Variants in RELA observed in about 807,000 individuals in gnomAD.
The protein encoded by RELA is transcription factor p65.
Under a neutral mutation model 56.7 loss-of-function variants are expected in RELA, and 14 were observed. That is an observed-to-expected ratio of 0.25 (90% CI 0.16 to 0.39). The LOEUF (loss-of-function observed/expected upper bound fraction) is 0.39. Ranked by LOEUF, RELA falls within the 10% of genes least tolerant of loss-of-function variation. The probability of loss-of-function intolerance (pLI) is 1.00; values close to 1 mark genes in which losing one functional copy is unlikely to be tolerated. For synonymous variants in RELA, 315 were observed against 289.7 expected, an observed-to-expected ratio of 1.09 and a Z score of -0.89; for missense variants, 559 against 736.4, an observed-to-expected ratio of 0.76 and a Z score of 2.79.
chr11:65,660,014 G>T, intron 5 of RELA, 110 bp downstream of exon 5: 2 of 1,234,488 alleles, frequency 1.6e-6, no homozygotes, highest in South Asian at 1.3e-5. Flanking sequence ...GTACTGAATG[G>T]GCACCAAGAT....
At chr11:65,661,869 C>T (rs75330420) in intron 3 of RELA, 34 bp from the exon 4 acceptor site, 1 of 1,602,458 alleles carries the variant, frequency 6.2e-7, no homozygotes, top group Non-Finnish European at 8.5e-7. Flanking sequence ...ACATCCAAAC[C>T]TGACTCCCAA....
In RELA at chr11:65,654,467, G is replaced by C; in HGVS notation, c.1567C>G (p.Leu523Val). Residue 523 changes from leucine (L) to valine (V), a missense_variant, in exon 11 of 11, where the codon CTC (leucine) becomes GTC (valine). Leu to Val is a conservative substitution (Grantham distance 32). Around this residue, in one of 4 missense-constraint regions of RELA, gnomAD observed 365 missense variants for 387.5 expected, o/e 0.94. Transcript: ENST00000406246. ...PAPAPLGAPG[L>V]PNGLLSGDED... ...TCTCCTGAAAGGAGGCCATTGGGGA[G>C]CCCCGGGGCCCCCAGTGGAGCAGGA... 6.2e-7 allele frequency: 1 copy of C among 1,603,644 alleles called. No individual in the cohort carries two copies.
At chr11:65,661,490 T>A (rs1856564996) in intron 4 of RELA, 197 bp downstream of exon 4, 2 of 510,506 alleles carry the variant, frequency 3.9e-6, no homozygotes, top group Non-Finnish European at 6.9e-6. Context: ...CCCATCCGTA[T>A]CCCCTGGAAC....
intron 4 of RELA, chr11:65,660,473 A>G: frequency 2.0e-6 from 1 of 496,318 alleles, no homozygotes; most frequent in Non-Finnish European, 3.6e-6. Flanking sequence ...CTCTCTAAAC[A>G]CAGGACACTC....
At position 65,654,723 on chromosome 11, in the gene RELA, T is replaced by C. The variant is rs1166476692; in HGVS notation, c.1311A>G (p.Ser437=). 9 of 1,531,282 alleles carry C rather than the reference T, an allele frequency of 5.9e-6. No individual in the cohort carries two copies. The highest frequency in any genetic ancestry group is 7.9e-6 in the Non-Finnish European group (9 of 1,140,798). The allele number at this position is 1,531,282 out of a possible 1,614,324, so 94.9% of individuals were successfully genotyped here. ...CAAACTGCAGCTGCAGCAGGGCCTC[T>C]GACAGCGTTCCTTCCCCAGCCTGGG... is the stretch of plus-strand genomic sequence containing the variant. ...KPTQAGEGTL[S]EALLQLQFDD... is the part of the protein sequence containing the mutation. The change falls in exon 11 of 11, where the codon TCA becomes TCG. Residue 437 remains serine (S), a synonymous_variant. Transcript: ENST00000406246.
intron 4 of RELA, 152 bp downstream of exon 4, chr11:65,661,535 T>C: frequency 1.5e-6 from 1 of 659,528 alleles, no homozygotes; most frequent in South Asian, 2.2e-5. Context: ...ATAGATAATT[T>C]CAAGACAAAG....
At chr11:65,661,456 C>A in intron 4 of RELA, 2 of 424,554 alleles carry the variant, frequency 4.7e-6, no homozygotes, top group Middle Eastern at 6.0e-4. Context: ...CTACAGGGGT[C>A]AGGAATTCAG....
chr11:65,662,728 C>G (rs1412524605), intron 1 of RELA, 98 bp downstream of exon 1: 1 of 977,066 alleles, frequency 1.0e-6, no homozygotes, highest in Non-Finnish European at 1.3e-6. Flanking sequence ...GCGCAGCGCC[C>G]GTCGGCGCAG....
intron 8 of RELA, among the ~76,000 whole-genome samples, chr11:65,657,548 C>A (rs74829088): frequency 7.2e-5 from 11 of 152,220 alleles, no homozygotes; most frequent in Non-Finnish European, 1.5e-4. Flanking sequence ...GCTCAAACCA[C>A]GAAGGTGGCC....
chr11:65,662,111 C>T (rs781731190), intron 2 of RELA, 23 bp from the exon 3 acceptor site: 3 of 1,604,006 alleles, frequency 1.9e-6, no homozygotes, highest in South Asian at 1.1e-5. Flanking sequence ...ACCGCAGCCC[C>T]ATTAGGCGGC....
At chr11:65,655,031 A>G (rs1276482331) in intron 10 of RELA, 31 bp from the exon 11 acceptor site, 2 of 1,547,026 alleles carry the variant, frequency 1.3e-6, no homozygotes, top group Non-Finnish European at 1.8e-6. Context: ...GGCAGGGGTC[A>G]GAGAAAGCCC....
chr11:65,658,364 C>A lies in RELA; in HGVS notation c.800G>T (p.Arg267Leu). ...YADPSLQAPV[R>L]VSMQLRRPSD... is the part of the protein sequence containing the mutation. ...AGGCCGCCGCAGCTGCATGGAGACACGCACAGGAGCCTGCAGGCTGGGGTC... is the reference window on the plus strand; with the variant it reads ...AGGCCGCCGCAGCTGCATGGAGACAAGCACAGGAGCCTGCAGGCTGGGGTC... Residue 267 changes from arginine to leucine, a missense_variant, in exon 8 of 11, where the codon CGT becomes CTT. By Grantham distance (102) the Arg-to-Leu change is moderately radical. Transcript: ENST00000406246. This position sits in a 1 kb window ranked among gnomAD's most constrained non-coding sequence, Gnocchi z 4.5. 1.2e-6 allele frequency: 2 copies of A among 1,613,784 alleles called. No individual in the cohort carries two copies. Among genetic ancestry groups the A allele is most frequent in the Non-Finnish European group, 1.7e-6 (2 of 1,179,912 alleles).
chr11:65,662,112 A>C, intron 2 of RELA, 24 bp from the exon 3 acceptor site: 1 of 1,604,052 alleles, frequency 6.2e-7, no homozygotes, highest in Non-Finnish European at 8.5e-7. Context: ...CCGCAGCCCC[A>C]TTAGGCGGCT....
Position 65,655,890 on chromosome 11 carries a change from G to T in RELA, c.923C>A (p.Thr308Asn), listed in dbSNP as rs1260736909. The T allele has an allele frequency of 1.2e-6, 2 of 1,613,974 alleles. No homozygotes were observed. Among genetic ancestry groups the T allele is most frequent in the East Asian group, 2.2e-5 (1 of 44,902 alleles). ...ACTCTTCTTCATGATGCTCTTGAAG[G>T]TCTCATATGTCCTTTTACGTTTCTC... ...IEEKRKRTYE[T>N]FKSIMKKSPF... is the part of the protein sequence containing the mutation. The change falls in exon 9 of 11, where the codon ACC (threonine) becomes AAC (asparagine). Residue 308 changes from threonine to asparagine, a missense_variant. Thr to Asn is a moderately conservative substitution (Grantham distance 65). Transcript: ENST00000406246.
Position 65,655,949 on chromosome 11 carries a change from G to C in RELA, c.878-14C>G. On this transcript the variant is annotated splice_polypyrimidine_tract_variant and intron_variant, in intron 8 of 10. Coordinates refer to ENST00000406246, the MANE Select transcript of RELA (RefSeq NM_021975.4). ...GGTGACGATCGTCTGGGAAAGTAAG[G>C]GGGAGAAGTGGGACTTGCTCTCCTC... The C allele has an allele frequency of 6.2e-7, 1 of 1,612,146 alleles. No individual in the cohort carries two copies. The highest frequency in any genetic ancestry group is 8.5e-7 in the Non-Finnish European group (1 of 1,178,434).
rs769322382 is a variant in RELA at position 65,654,626 on chromosome 11, C to G, written c.1408G>C (p.Asp470His). The G allele has an allele frequency of 4.4e-6, 7 of 1,606,388 alleles. No homozygotes were observed. Among genetic ancestry groups the G allele is most frequent in the Non-Finnish European group, 5.9e-6 (7 of 1,176,854 alleles). Residue 470 changes from aspartate to histidine, a missense_variant, in exon 11 of 11, where the codon GAC (aspartate) becomes CAC (histidine). By Grantham distance (81) the Asp-to-His change is moderately conservative. This residue lies in a region of RELA where 365 missense variants were observed against 387.5 expected (regional missense o/e 0.94). Transcript: ENST00000406246. ...PAVFTDLASVDNSEFQQLLNQ... is the reference protein window; with the variant it reads ...PAVFTDLASVHNSEFQQLLNQ... ...AGCAGCTGCTGAAACTCGGAGTTGT[C>G]GACGGATGCCAGGTCTGTGAACACA...
intron 4 of RELA, among the ~76,000 whole-genome samples, chr11:65,661,172 C>T (rs1476027000): frequency 2.0e-5 from 3 of 152,110 alleles, no homozygotes; most frequent in Non-Finnish European, 2.9e-5. Flanking sequence ...GGACTATAGG[C>T]GCATGCCACC....
chr11:65,660,043 T>C (rs1354529642), intron 5 of RELA, 81 bp downstream of exon 5: 2 of 1,392,010 alleles, frequency 1.4e-6, no homozygotes, highest in Non-Finnish European at 2.0e-6. Context: ...TACTGTGTCT[T>C]GGCCAGTGAG....
Position 65,658,913 on chromosome 11 carries a change from A to T in RELA, c.560-91T>A. 2 of 1,073,032 alleles carry T rather than the reference A, an allele frequency of 1.9e-6. No homozygotes were observed. Among genetic ancestry groups the T allele is most frequent in the South Asian group, 2.5e-5 (2 of 79,370 alleles). The allele number at this position is 1,073,032 out of a possible 1,614,324, so 66.5% of individuals were successfully genotyped here. ...GATGCAACTTCCCTGCCCAGCCCAG[A>T]GTCAAGGTTGCCCAGAGCTTGCCAC... On this transcript the variant is annotated intron_variant, in intron 6 of 10. Transcript: ENST00000406246. The surrounding 1 kb of genome is among the most constrained non-coding windows in gnomAD (Gnocchi z 4.5).
Sources: gnomAD v4.1 joint callset for allele counts (sites outside exome capture counted in the v4.1 genomes callset) on GRCh38, gnomAD v4.1.1 for gene constraint, gnomAD v4.1.1 regional missense constraint, Gnocchi (gnomAD v3.1) non-coding constraint, MANE v1.5 for transcripts, NCBI Gene and HGNC (gene_info 2026-07-23, HGNC 2026-07-21) for gene names.